Variants in COP1 observed in about 807,000 individuals in gnomAD.
The protein encoded by COP1 is COP1 E3 ubiquitin ligase.
In COP1, 24 loss-of-function variants were observed where a neutral mutation model predicts 101.3. That is an observed-to-expected ratio of 0.24 (90% CI 0.17 to 0.33). The LOEUF (loss-of-function observed/expected upper bound fraction) is 0.33. Among genes scored for constraint, COP1 ranks in the 10% least tolerant of loss-of-function variants. The pLI is 1.00. For missense variants in COP1, 663 were observed against 906.2 expected (o/e 0.73, Z 3.45); for synonymous variants, 347 against 341.9 (o/e 1.01, Z -0.17).
intron 18 of COP1, among the ~76,000 whole-genome samples, chr1:175,985,303 T>C (rs370331393): frequency 2.0e-5 from 3 of 152,344 alleles, no homozygotes; most frequent in Middle Eastern, 6.8e-3. Flanking sequence ...TTACTATGTC[T>C]GTTTATTTTT....
chr1:175,959,165 TA>T (rs890764376), intron 18 of COP1, among the ~76,000 whole-genome samples: 33 of 151,388 alleles, frequency 2.2e-4, no homozygotes, highest in African/African-American at 4.8e-4. Flanking sequence ...AATATTAGGT[TA>T]AAAAAAAATT....
At chr1:176,096,993 G>A (rs1354525111) in intron 9 of COP1, among the ~76,000 whole-genome samples, 1 of 151,982 alleles carries the variant, frequency 6.6e-6, no homozygotes, top group Non-Finnish European at 1.5e-5. Flanking sequence ...TGCAACCTTT[G>A]CTATTTGTTG....
rs1384766750 is a variant in COP1, at chr1:176,023,731, A to AG, written c.1729+3840_1729+3841insC. On this transcript the variant is annotated intron_variant, in intron 15 of 19. Coordinates refer to ENST00000367669, the MANE Select transcript of COP1 (RefSeq NM_022457.7). ...GAAACTCCATCTCAAAAAAAAAAAAAAAAAAAAAGAAAAGAAAAGAAAAGA... is the reference window on the plus strand; with the variant it reads ...GAAACTCCATCTCAAAAAAAAAAAAAGAAAAAAAAGAAAAGAAAAGAAAAGA... Among the ~76,000 whole-genome samples, 3 of 150,778 alleles carry AG rather than the reference A, an allele frequency of 2.0e-5. No individual in the cohort carries two copies. The East Asian group carries it at 5.9e-4, about 30-fold the overall frequency.
chr1:176,076,638 A>T (rs934554492), intron 11 of COP1, among the ~76,000 whole-genome samples: 16 of 152,264 alleles, frequency 1.1e-4, no homozygotes, highest in African/African-American at 3.8e-4. Context: ...GCTGAATGAA[A>T]TTGAGACCCA....
chr1:176,079,251 T>C (rs903362750), intron 11 of COP1, among the ~76,000 whole-genome samples: 1 of 152,148 alleles, frequency 6.6e-6, no homozygotes, highest in Admixed American at 6.5e-5. Flanking sequence ...TGGCCATCAA[T>C]GGTGGACTGG....
At chr1:176,166,676 C>T (rs1695204915) in intron 3 of COP1, among the ~76,000 whole-genome samples, 1 of 152,106 alleles carries the variant, frequency 6.6e-6, no homozygotes, top group African/African-American at 2.4e-5. Context: ...GTGGCTCATG[C>T]CTATAATCCC....
intron 11 of COP1, among the ~76,000 whole-genome samples, chr1:176,058,487 C>T (rs1316789547): frequency 6.6e-6 from 1 of 152,102 alleles, no homozygotes; most frequent in East Asian, 1.9e-4. Context: ...GAAACATGTG[C>T]TGTGTCCACT....
chr1:176,177,501 C>G (rs1384249832), intron 2 of COP1, among the ~76,000 whole-genome samples: 2 of 151,954 alleles, frequency 1.3e-5, no homozygotes, highest in Admixed American at 6.6e-5. Flanking sequence ...ACAATCCCCA[C>G]AATGTTAACA....
In COP1 at chr1:176,046,231, T is replaced by C. The variant is rs1474826121; in HGVS notation, c.1371A>G (p.Ala457=). The change falls in exon 12 of 20, where the codon GCA becomes GCG. Residue 457 remains alanine (A), a synonymous_variant. Coordinates refer to ENST00000367669, the MANE Select transcript of COP1 (RefSeq NM_022457.7). ...CATTCTCAGGGTAATGAATATCCAC[T>C]GCATCCTGGATGACAGTGTCATATT... ...VYEYDTVIQD[A]VDIHYPENEM... 4.4e-6 allele frequency: 7 copies of C among 1,606,676 alleles called. No individual in the cohort carries two copies. The highest frequency in any genetic ancestry group is 5.1e-6 in the Non-Finnish European group (6 of 1,177,380).
chr1:176,152,056 C>T (rs1191732149), intron 5 of COP1, among the ~76,000 whole-genome samples: 1 of 151,718 alleles, frequency 6.6e-6, no homozygotes, highest in Non-Finnish European at 1.5e-5. Flanking sequence ...TGCGGGAAGC[C>T]AAGGCAGGCA....
intron 2 of COP1, among the ~76,000 whole-genome samples, chr1:176,177,281 A>G (rs1477724733): frequency 6.6e-6 from 1 of 151,770 alleles, no homozygotes; most frequent in Non-Finnish European, 1.5e-5. Flanking sequence ...CCCTATTAAA[A>G]AAAACACTCC....
intron 6 of COP1, among the ~76,000 whole-genome samples, chr1:176,146,491 T>G (rs1325338180): frequency 4.6e-5 from 7 of 152,216 alleles, no homozygotes; most frequent in African/African-American, 1.7e-4. Context: ...GTCTTCAATA[T>G]CCTCTCTTGC....
intron 9 of COP1, among the ~76,000 whole-genome samples, chr1:176,094,979 A>G (rs1436561951): frequency 6.6e-6 from 1 of 152,186 alleles, no homozygotes; most frequent in East Asian, 1.9e-4. Flanking sequence ...GTAACTTACC[A>G]TGGCAAAGTT....
chr1:176,056,231 GT>G (rs1673457792), intron 11 of COP1, among the ~76,000 whole-genome samples: 1 of 152,032 alleles, frequency 6.6e-6, no homozygotes, highest in Non-Finnish European at 1.5e-5. Context: ...ATTTTCTGAT[GT>G]TCCATGGACA....
chr1:176,184,238 T>G (rs1236835504), intron 2 of COP1, among the ~76,000 whole-genome samples: 1 of 152,216 alleles, frequency 6.6e-6, no homozygotes, highest in Admixed American at 6.5e-5. Context: ...ACAGAACTTT[T>G]TAATCCTGTA....
chr1:176,114,905 A>C (rs2149587773), intron 9 of COP1, among the ~76,000 whole-genome samples: 2 of 152,298 alleles, frequency 1.3e-5, no homozygotes, highest in South Asian at 2.1e-4. Flanking sequence ...TACATAAGAC[A>C]ATATCCTTGT....
intron 11 of COP1, among the ~76,000 whole-genome samples, chr1:176,048,083 TACA>T (rs1007396348): frequency 1.7e-4 from 26 of 150,822 alleles, no homozygotes; most frequent in African/African-American, 4.8e-4. Flanking sequence ...AAAAAACAAC[TACA>T]ACAACAACAA....
intron 8 of COP1, among the ~76,000 whole-genome samples, chr1:176,133,453 A>C (rs908014211): frequency 3.1e-4 from 47 of 151,884 alleles, no homozygotes; most frequent in Admixed American, 4.6e-4. Flanking sequence ...TCACTGACTG[A>C]AACGTCATTA....
intron 11 of COP1, among the ~76,000 whole-genome samples, chr1:176,051,972 T>C (rs1363913910): frequency 1.3e-5 from 2 of 152,152 alleles, no homozygotes; most frequent in African/African-American, 4.8e-5. Flanking sequence ...CTAAGGTTAA[T>C]TATTGAAGAA....
Sources: allele counts gnomAD v4.1 joint callset (sites outside exome capture counted in the v4.1 genomes callset), GRCh38; gene constraint gnomAD v4.1.1; transcripts MANE v1.5; gene names NCBI Gene and HGNC (gene_info 2026-07-23, HGNC 2026-07-21).